FAM193A: variants seen among roughly 807,000 people sequenced by gnomAD.
FAM193A encodes family with sequence similarity 193 member A, also known as protein FAM193A.
FAM193A carries 22 observed loss-of-function variants against 126.5 expected under a neutral mutation model. That is an observed-to-expected ratio of 0.17 (90% CI 0.12 to 0.25). The LOEUF (loss-of-function observed/expected upper bound fraction) is 0.25, where lower values mean the gene tolerates loss of function less well. Among genes scored for constraint, FAM193A ranks in the 10% least tolerant of loss-of-function variants. The pLI is 1.00. For missense variants in FAM193A, 1,675 were observed against 1,672.8 expected, an observed-to-expected ratio of 1.00 and a Z score of -0.02; for synonymous variants, 761 against 646.8, an observed-to-expected ratio of 1.18 and a Z score of -2.68.
At chr4:2,661,206 A>T (rs1163645615) in intron 10 of FAM193A, among the ~76,000 whole-genome samples, 1 of 152,238 alleles carries the variant, frequency 6.6e-6, no homozygotes, top group Middle Eastern at 3.2e-3. Context: ...TTCTCGGGAC[A>T]TCTGGGCCTT....
chr4:2,607,844 C>T, intron 2 of FAM193A: 4 of 602,362 alleles, frequency 6.6e-6, no homozygotes, highest in Non-Finnish European at 1.2e-5. Flanking sequence ...TTTATATACA[C>T]TCAGTAGCAG....
At chr4:2,640,094 C>T (rs1199691398) in intron 6 of FAM193A, among the ~76,000 whole-genome samples, 2 of 152,222 alleles carry the variant, frequency 1.3e-5, no homozygotes, top group East Asian at 3.8e-4. Context: ...ACAAATTCCT[C>T]ATACAGAAAA....
At chr4:2,677,959 G>A (rs901442702) in intron 13 of FAM193A, among the ~76,000 whole-genome samples, 2 of 151,882 alleles carry the variant, frequency 1.3e-5, no homozygotes, top group African/African-American at 4.8e-5. Context: ...ATTTATTTAT[G>A]TTTTTTTAAT....
At position 2,662,902 on chromosome 4, in the gene FAM193A, A is replaced by G. The variant is rs1192906300; in HGVS notation, c.1810A>G (p.Asn604Asp). 9 of 1,613,488 alleles carry G rather than the reference A, an allele frequency of 5.6e-6. No individual in the cohort carries two copies. Among genetic ancestry groups the G allele is most frequent in the Non-Finnish European group, 7.6e-6 (9 of 1,179,596 alleles). The part of the protein sequence containing the change: ...AKFADIYPLS[N>D]YDDTEVVANM... ...ATTTGCTGATATTTATCCATTGAGT[A>G]ATTATGATGATACCGAGGTGGTGGC... is the stretch of plus-strand genomic sequence containing the variant. The change falls in exon 11 of 21, where the codon AAT becomes GAT. Residue 604 changes from asparagine to aspartate, a missense_variant. Coordinates refer to ENST00000637812, the MANE Select transcript of FAM193A (RefSeq NM_001366318.2).
Position 2,672,607 on chromosome 4 carries a change from G to A in FAM193A, c.2331+235G>A, listed in dbSNP as rs146606944. Among the ~76,000 whole-genome samples the A allele has an allele frequency of 9.6e-3, 1,467 of 152,264 alleles. 10 individuals carry two copies. Among genetic ancestry groups the A allele is most frequent in the Non-Finnish European group, 0.014 (958 of 68,006 alleles). On this transcript the variant is annotated intron_variant, in intron 13 of 20. Coordinates refer to ENST00000637812, the MANE Select transcript of FAM193A (RefSeq NM_001366318.2). ...GTGAAGGTCATAGTTCTTTTATTCA[G>A]AATTAAATAGAACAGAAGGATTTTT...
At chr4:2,603,507 A>G (rs1577063710) in intron 2 of FAM193A, among the ~76,000 whole-genome samples, 1 of 128,918 alleles carries the variant, frequency 7.8e-6, no homozygotes, top group Non-Finnish European at 1.6e-5. Context: ...CCCAGGCTGG[A>G]GTGCAGTGGT....
At chr4:2,713,848 C>G (rs1293748626) in intron 19 of FAM193A, among the ~76,000 whole-genome samples, 4 of 152,124 alleles carry the variant, frequency 2.6e-5, no homozygotes, top group Non-Finnish European at 2.9e-5. Context: ...GTTGTGTTGT[C>G]AATGAACAGA....
intron 1 of FAM193A, among the ~76,000 whole-genome samples, chr4:2,548,405 C>T (rs546661813): frequency 9.2e-5 from 14 of 151,944 alleles, no homozygotes; most frequent in Non-Finnish European, 1.9e-4. Context: ...CTCCATGATT[C>T]TGAATTCAAA....
intron 17 of FAM193A, 168 bp from the exon 18 acceptor site, chr4:2,696,195 C>T: frequency 1.8e-6 from 1 of 566,676 alleles, no homozygotes; most frequent in East Asian, 3.0e-5. Context: ...TTTTGGGTGA[C>T]TTGCTGATAG....
intron 2 of FAM193A, among the ~76,000 whole-genome samples, chr4:2,622,257 CAAAAAAAAAAAAAAA>C (rs71178493): frequency 1.8e-5 from 1 of 55,546 alleles, no homozygotes; most frequent in African/African-American, 6.8e-5. Context: ...ACCCTGTCTC[CAAAAAAAAAAAAAAA>C]AAAAAAAAAA....
At chr4:2,668,203 C>T (rs1047462454) in intron 12 of FAM193A, among the ~76,000 whole-genome samples, 2 of 149,022 alleles carry the variant, frequency 1.3e-5, no homozygotes, top group Admixed American at 6.7e-5. Context: ...TACCCAGCCA[C>T]AATATGCATC....
chr4:2,595,134 G>A (rs951624249), intron 1 of FAM193A, among the ~76,000 whole-genome samples: 2 of 151,550 alleles, frequency 1.3e-5, no homozygotes, highest in Non-Finnish European at 2.9e-5. Flanking sequence ...CTACAGCCTC[G>A]ACTTGCTGGG....
intron 1 of FAM193A, among the ~76,000 whole-genome samples, chr4:2,559,035 G>A (rs1053347077): frequency 7.9e-5 from 12 of 152,126 alleles, no homozygotes; most frequent in Admixed American, 5.2e-4. Flanking sequence ...ATAGGAAGAC[G>A]GCTATAGCTA....
intron 12 of FAM193A, 54 bp from the exon 13 acceptor site, chr4:2,672,067 T>G (rs1253023832): frequency 1.8e-5 from 29 of 1,587,978 alleles, no homozygotes; most frequent in Non-Finnish European, 2.1e-5. Context: ...CTGACTTTAA[T>G]TCATACCATT....
At chr4:2,674,519 G>A (rs1176002952) in intron 13 of FAM193A, among the ~76,000 whole-genome samples, 1 of 152,172 alleles carries the variant, frequency 6.6e-6, no homozygotes, top group Non-Finnish European at 1.5e-5. Context: ...CGTGGAGGGG[G>A]CCTTGTGTAC....
chr4:2,536,111 C>T (rs1253957956), upstream of FAM193A, among the ~76,000 whole-genome samples: 1 of 151,750 alleles, frequency 6.6e-6, no homozygotes, highest in African/African-American at 2.4e-5. Context: ...CCTGGTGCAT[C>T]CCGGGAGCCG....
chr4:2,572,011 A>G (rs1739319817), intron 1 of FAM193A, among the ~76,000 whole-genome samples: 1 of 151,776 alleles, frequency 6.6e-6, no homozygotes, highest in South Asian at 2.1e-4. Context: ...TAAAGATACA[A>G]AAAATTAGCT....
In FAM193A at chr4:2,543,899, A is replaced by G. The variant is rs1340513399; in HGVS notation, c.255+6729A>G. ...AAAAAAAAAAAAAAAAAAAAAACCA[A>G]AAAATTAGCCACCATACAGCGTATC... is the stretch of plus-strand genomic sequence containing the variant. On this transcript the variant is annotated intron_variant, in intron 1 of 20. Coordinates refer to ENST00000637812, the MANE Select transcript of FAM193A (RefSeq NM_001366318.2). 2.7e-5 allele frequency among the ~76,000 whole-genome samples: 4 copies of G among 147,874 alleles called. No individual in the cohort carries two copies. In the East Asian group the frequency reaches 8.0e-4, roughly 29 times the overall value.
intron 1 of FAM193A, among the ~76,000 whole-genome samples, chr4:2,576,254 C>T (rs139621523): frequency 2.0e-5 from 3 of 152,066 alleles, no homozygotes; most frequent in East Asian, 1.9e-4. Flanking sequence ...CCCCCCACCA[C>T]GCCTGGCTAA....
Sources: allele counts gnomAD v4.1 joint callset (sites outside exome capture counted in the v4.1 genomes callset), GRCh38; gene constraint gnomAD v4.1.1; transcripts MANE v1.5; gene names NCBI Gene and HGNC (gene_info 2026-07-23, HGNC 2026-07-21).